Variants in NHERF2 observed in about 807,000 individuals in gnomAD.
The protein encoded by NHERF2 is NHERF family PDZ scaffold protein 2, also known as Na(+)/H(+) exchange regulatory cofactor NHE-RF2.
At chr16:2,031,148 G>A in the NHERF2 span, among the ~76,000 whole-genome samples, 2 of 152,170 alleles carry the variant, frequency 1.3e-5, no homozygotes, top group African/African-American at 2.4e-5. Context: ...CGGGGGGAGC[G>A]GCTTGGCAGG....
At chr16:2,031,063 C>G in the NHERF2 span, among the ~76,000 whole-genome samples, 2 of 152,218 alleles carry the variant, frequency 1.3e-5, no homozygotes, top group Non-Finnish European at 2.9e-5. Flanking sequence ...TCTGAGGGTG[C>G]AGGGGATATA....
At chr16:2,037,440 G>A in the NHERF2 span, 84 of 1,163,794 alleles carry the variant, frequency 7.2e-5, no homozygotes, top group South Asian at 1.0e-4. Flanking sequence ...GCCGAGTGGA[G>A]GAGCACACAC....
the NHERF2 span, chr16:2,035,750 C>T: frequency 1.3e-5 from 12 of 889,472 alleles, no homozygotes; most frequent in South Asian, 5.7e-4. Context: ...CACCAGGAGG[C>T]CCTCTGTGCC....
At chr16:2,029,562 C>T in the NHERF2 span, 1 of 1,556,104 alleles carries the variant, frequency 6.4e-7, no homozygotes, top group Non-Finnish European at 8.7e-7. Context: ...TGACCCGCTC[C>T]TATCGCCCAT....
At chr16:2,036,579 A>C in the NHERF2 span, 1 of 1,518,640 alleles carries the variant, frequency 6.6e-7, no homozygotes, top group Non-Finnish European at 8.9e-7. Context: ...CCTTGCAGGG[A>C]GGAGGGAGAC....
chr16:2,037,071 C>G, the NHERF2 span: 5 of 1,503,772 alleles, frequency 3.3e-6, no homozygotes, highest in African/African-American at 5.6e-5. Flanking sequence ...GCCCCCTTCT[C>G]CCTGGAGATC....
the NHERF2 span, chr16:2,033,575 G>A: frequency 9.6e-5 from 87 of 904,690 alleles, no homozygotes; most frequent in Middle Eastern, 3.0e-4. Flanking sequence ...GCCAGGGCTG[G>A]TGCGTCACCA....
the NHERF2 span, chr16:2,036,001 C>T: frequency 1.2e-5 from 4 of 338,724 alleles, no homozygotes; most frequent in African/African-American, 4.2e-5. Flanking sequence ...AGGCCAACGG[C>T]GACAGTTCAT....
At chr16:2,038,036 G>A in the NHERF2 span, 1 of 1,597,812 alleles carries the variant, frequency 6.3e-7, no homozygotes, top group Non-Finnish European at 8.6e-7. Flanking sequence ...ACGGACCTTG[G>A]GCCTCAGCCT....
the NHERF2 span, chr16:2,037,543 T>G: frequency 6.2e-7 from 1 of 1,611,380 alleles, no homozygotes; most frequent in South Asian, 1.1e-5. Context: ...CCCAGCTCAA[T>G]GGTGGCTCTG....
At chr16:2,029,421 C>CG in the NHERF2 span, 36 of 613,572 alleles carry the variant, frequency 5.9e-5, no homozygotes, top group Non-Finnish European at 9.2e-5. Context: ...CGCTGGAGTC[C>CG]GGGGGTGGGG....
At chr16:2,036,718 G>A in the NHERF2 span, 1 of 1,610,326 alleles carries the variant, frequency 6.2e-7, no homozygotes, top group Non-Finnish European at 8.5e-7. Context: ...ATACATGCTG[G>A]TGGCGGCAGG....
chr16:2,033,549 A>C, the NHERF2 span: 1 of 1,106,296 alleles, frequency 9.0e-7, no homozygotes, highest in Non-Finnish European at 1.3e-6. Flanking sequence ...CTGAGCAACA[A>C]TGAAGGCCTT....
chr16:2,031,944 G>A, the NHERF2 span, among the ~76,000 whole-genome samples: 1 of 151,418 alleles, frequency 6.6e-6, no homozygotes, highest in Non-Finnish European at 1.5e-5. Flanking sequence ...TGCCCTCCTC[G>A]ACCTCCCAAA....
chr16:2,038,011 T>C, the NHERF2 span: 5 of 1,612,246 alleles, frequency 3.1e-6, no homozygotes, highest in South Asian at 3.3e-5. Flanking sequence ...CTCGGGACCC[T>C]GGGACCCCTC....
chr16:2,033,364 G>C, the NHERF2 span: 5 of 1,533,194 alleles, frequency 3.3e-6, no homozygotes, highest in East Asian at 1.2e-4. Context: ...GGCACGCTCC[G>C]GGAGTGCCAC....
the NHERF2 span, chr16:2,037,800 C>T: frequency 1.3e-6 from 2 of 1,564,392 alleles, no homozygotes; most frequent in East Asian, 4.8e-5. Flanking sequence ...TCACTCCAGA[C>T]ACCCCACCCA....
the NHERF2 span, chr16:2,038,596 G>A: frequency 2.3e-5 from 7 of 309,580 alleles, no homozygotes; most frequent in African/African-American, 4.7e-5. Flanking sequence ...CTTGGGTAAG[G>A]CCAGGGAGGC....
chr16:2,032,971 C>T, the NHERF2 span: 5 of 1,117,234 alleles, frequency 4.5e-6, no homozygotes, highest in Non-Finnish European at 5.5e-6. The surrounding 1 kb of genome is among the most constrained non-coding windows in gnomAD (Gnocchi z 4.0). Flanking sequence ...GGCGCGGTGC[C>T]TGCGGGGGCT....
Sources: gnomAD v4.1 joint callset for allele counts (sites outside exome capture counted in the v4.1 genomes callset) on GRCh38, gnomAD v4.1.1 for gene constraint, Gnocchi (gnomAD v3.1) non-coding constraint, MANE v1.5 for transcripts, NCBI Gene and HGNC (gene_info 2026-07-23, HGNC 2026-07-21) for gene names.